Variants in PTPRM observed in about 807,000 individuals in gnomAD.
PTPRM encodes protein tyrosine phosphatase receptor type M, also known as receptor-type tyrosine-protein phosphatase mu.
PTPRM carries 47 observed loss-of-function variants against 186.7 expected under a neutral mutation model. The observed-to-expected ratio is 0.25, with a 90% CI of 0.20 to 0.32. The LOEUF is 0.32. Ranked by LOEUF, PTPRM falls within the 10% of genes least tolerant of loss-of-function variation. PTPRM has a pLI of 1.00. For synonymous variants in PTPRM, 668 were observed against 674.9 expected, an observed-to-expected ratio of 0.99 and a Z score of 0.16; for missense variants, 1,494 against 1,865.0, an observed-to-expected ratio of 0.80 and a Z score of 3.66.
At chr18:7,701,516 C>G (rs533931275) in intron 1 of PTPRM, among the ~76,000 whole-genome samples, 1 of 152,138 alleles carries the variant, frequency 6.6e-6, no homozygotes, top group East Asian at 1.9e-4. Flanking sequence ...AGGAGAATTG[C>G]TTGAACCTGG....
rs757432175 is a variant in PTPRM at position 8,378,320 on chromosome 18, C to T, written c.3518C>T (p.Thr1173Ile). 2 of 1,613,054 alleles carry T rather than the reference C, an allele frequency of 1.2e-6. No individual in the cohort carries two copies. Among genetic ancestry groups the T allele is most frequent in the South Asian group, 1.1e-5 (1 of 91,042 alleles). The change falls in exon 27 of 33, where the codon ACC becomes ATC. Residue 1173 changes from threonine (T) to isoleucine (I), a missense_variant. By Grantham distance (89) the Thr-to-Ile change is moderately conservative. This residue lies in a region of PTPRM where 1,107 missense variants were observed against 1,350.2 expected (regional missense o/e 0.82). Coordinates refer to ENST00000580170, the MANE Select transcript of PTPRM (RefSeq NM_001105244.2). ...CTGGAAGCCTGTCTTTGTGGGGACACCTCTGTGCCTGCTTCCCAAGTTAGG... is the reference window on the plus strand; with the variant it reads ...CTGGAAGCCTGTCTTTGTGGGGACATCTCTGTGCCTGCTTCCCAAGTTAGG... ...AILEACLCGD[T>I]SVPASQVRSL... is the part of the protein sequence containing the mutation.
chr18:8,155,345 A>G (rs771860133), intron 14 of PTPRM, among the ~76,000 whole-genome samples: 27 of 152,178 alleles, frequency 1.8e-4, no homozygotes, highest in Non-Finnish European at 3.8e-4. Flanking sequence ...AATTATAGTA[A>G]TATTCCTGTC....
intron 1 of PTPRM, among the ~76,000 whole-genome samples, chr18:7,606,650 A>C (rs16952213): frequency 0.051 from 7,734 of 152,170 alleles, 684 homozygotes; most frequent in African/African-American, 0.18. Context: ...GGTCCTGCTT[A>C]ATGGAGGTGA....
intron 13 of PTPRM, among the ~76,000 whole-genome samples, chr18:8,125,017 C>A (rs562174797): frequency 1.1e-4 from 16 of 151,926 alleles, no homozygotes; most frequent in Non-Finnish European, 1.6e-4. Context: ...GGTGGGCCCT[C>A]CCCTACTTGT....
In PTPRM at chr18:7,712,021, C is replaced by T. The variant is rs904913662; in HGVS notation, c.74-62128C>T. ...TGCCTCCATAAGTGTAAGGGAGCTC[C>T]GCTAAGGGTCAGACTGCCTCCTGAC... On this transcript the variant is annotated intron_variant, in intron 1 of 32. Transcript: ENST00000580170. Among the ~76,000 whole-genome samples the T allele has an allele frequency of 1.4e-4, 22 of 152,120 alleles. 1 individual carries two copies. Among genetic ancestry groups the T allele is most frequent in the Admixed American group, 1.1e-3 (17 of 15,268 alleles).
intron 2 of PTPRM, among the ~76,000 whole-genome samples, chr18:7,875,052 T>C (rs2048169752): frequency 6.6e-6 from 1 of 151,890 alleles, no homozygotes; most frequent in Non-Finnish European, 1.5e-5. Context: ...ATAAGTTAGC[T>C]GGGCTTGGTG....
rs112758086 is a variant in PTPRM, at chr18:8,173,661, G to A, written c.2300+29882G>A. Among the ~76,000 whole-genome samples the A allele has an allele frequency of 9.3e-3, 1,422 of 152,324 alleles. 17 individuals carry two copies. Among genetic ancestry groups the A allele is most frequent in the South Asian group, 0.016 (75 of 4,828 alleles). ...ACATTTAGAGGCTGGGGTGTTTCAA[G>A]AATAGCTTGGCAGGCCAGAGAGTCT... On this transcript the variant is annotated intron_variant, in intron 14 of 32. Coordinates refer to ENST00000580170, the MANE Select transcript of PTPRM (RefSeq NM_001105244.2).
intron 14 of PTPRM, among the ~76,000 whole-genome samples, chr18:8,214,480 A>C (rs958595431): frequency 6.6e-5 from 10 of 152,140 alleles, no homozygotes; most frequent in Non-Finnish European, 1.3e-4. Flanking sequence ...ATGATGGCAA[A>C]GAACATTTAG....
intron 11 of PTPRM, among the ~76,000 whole-genome samples, chr18:8,100,801 T>G (rs189422841): frequency 6.6e-6 from 1 of 152,332 alleles, no homozygotes; most frequent in Admixed American, 6.5e-5. Flanking sequence ...ATGATTTGCT[T>G]AAAAAATGTT....
chr18:7,752,992 G>C (rs1159230233), intron 1 of PTPRM, among the ~76,000 whole-genome samples: 3 of 152,074 alleles, frequency 2.0e-5, no homozygotes, highest in Admixed American at 6.6e-5. Context: ...AATGATTTGG[G>C]GGGAGGGGCA....
intron 14 of PTPRM, among the ~76,000 whole-genome samples, chr18:8,220,825 G>GT (rs913998298): frequency 1.1e-4 from 17 of 152,080 alleles, no homozygotes; most frequent in African/African-American, 3.9e-4. Context: ...TAATACCTAA[G>GT]TTTTCTTTGA....
At chr18:8,303,704 A>G (rs1278740759) in intron 20 of PTPRM, among the ~76,000 whole-genome samples, 3 of 152,208 alleles carry the variant, frequency 2.0e-5, no homozygotes. Context: ...AAACAAGGCA[A>G]GACCCACATG....
chr18:7,653,957 C>T (rs1053384090), intron 1 of PTPRM, among the ~76,000 whole-genome samples: 3 of 152,158 alleles, frequency 2.0e-5, no homozygotes, highest in Non-Finnish European at 4.4e-5. Flanking sequence ...GTTCTGTTTT[C>T]TCTGCAACCT....
At chr18:8,283,062 A>G (rs1352657683) in intron 19 of PTPRM, among the ~76,000 whole-genome samples, 1 of 152,130 alleles carries the variant, frequency 6.6e-6, no homozygotes, top group African/African-American at 2.4e-5. Context: ...GATTCCAGGA[A>G]TTAGGGGATA....
chr18:8,277,454 G>A (rs1453089957), intron 19 of PTPRM, among the ~76,000 whole-genome samples: 1 of 152,226 alleles, frequency 6.6e-6, no homozygotes, highest in Non-Finnish European at 1.5e-5. Context: ...GCAGGAGGCA[G>A]CCAAAGGACA....
intron 32 of PTPRM, among the ~76,000 whole-genome samples, chr18:8,395,488 G>C (rs2095841162): frequency 6.6e-6 from 1 of 152,170 alleles, no homozygotes; most frequent in African/African-American, 2.4e-5. Flanking sequence ...CAGTGCTCCA[G>C]GCTGGCTAAT....
intron 2 of PTPRM, among the ~76,000 whole-genome samples, chr18:7,791,561 G>A (rs2043346927): frequency 6.6e-6 from 1 of 152,160 alleles, no homozygotes; most frequent in African/African-American, 2.4e-5. Flanking sequence ...GTCCCTGGAG[G>A]ATCTGTGTGG....
At chr18:8,223,399 G>C (rs757946036) in intron 14 of PTPRM, among the ~76,000 whole-genome samples, 5 of 152,134 alleles carry the variant, frequency 3.3e-5, no homozygotes, top group Admixed American at 2.6e-4. Context: ...TTAACAAAAG[G>C]CTTTTCTATT....
chr18:8,000,274 A>C lies in PTPRM; in HGVS notation c.1132+44860A>C, dbSNP rs143012828. 9.5e-3 allele frequency among the ~76,000 whole-genome samples: 1,450 copies of C among 152,324 alleles called. 7 individuals carry two copies. The highest frequency in any genetic ancestry group is 0.033 in the South Asian group (161 of 4,830). The stretch of plus-strand genomic sequence containing the variant: ...TCATGAATGCCAGGAATTTACATTT[A>C]AATTGTAGATAGTTGAATATGATGC... On this transcript the variant is annotated intron_variant, in intron 7 of 32. Transcript: ENST00000580170.
Sources: allele counts gnomAD v4.1 joint callset (sites outside exome capture counted in the v4.1 genomes callset), GRCh38; gene constraint gnomAD v4.1.1; regional missense constraint gnomAD v4.1.1; transcripts MANE v1.5; gene names NCBI Gene and HGNC (gene_info 2026-07-23, HGNC 2026-07-21).